Variants in PHACTR1 observed in about 807,000 individuals in gnomAD.
PHACTR1 encodes the protein RPEL repeat containing 1.
A neutral mutation model predicts 69.2 loss-of-function variants in PHACTR1; 16 were observed. That is an observed-to-expected ratio of 0.23 (90% confidence interval 0.16 to 0.35). The LOEUF is 0.35. PHACTR1 is among the 10% of genes least tolerant of loss of function. PHACTR1 has a pLI of 1.00. For synonymous variants in PHACTR1, 312 were observed against 284.5 expected, an observed-to-expected ratio of 1.10 and a Z score of -0.97; for missense variants, 510 against 734.7, an observed-to-expected ratio of 0.69 and a Z score of 3.54.
chr6:13,154,029 TATTTCAGTAAATG>T (rs1359385196), intron 5 of PHACTR1, among the ~76,000 whole-genome samples: 1 of 152,248 alleles, frequency 6.6e-6, no homozygotes, highest in Non-Finnish European at 1.5e-5. Flanking sequence ...ATTGTAAGTA[TATTTCAGTAAATG>T]ATTTCAGTAA....
chr6:12,841,880 A>G (rs1778735152), intron 4 of PHACTR1, among the ~76,000 whole-genome samples: 1 of 152,174 alleles, frequency 6.6e-6, no homozygotes, highest in Non-Finnish European at 1.5e-5. Context: ...CATTTAATTA[A>G]GCAGCTTATT....
intron 4 of PHACTR1, among the ~76,000 whole-genome samples, chr6:12,837,300 G>C (rs1778261993): frequency 6.6e-6 from 1 of 152,170 alleles, no homozygotes; most frequent in Non-Finnish European, 1.5e-5. Flanking sequence ...AATATTGCTA[G>C]AGATATAAAT....
chr6:13,154,411 A>G (rs1194720611), intron 5 of PHACTR1, among the ~76,000 whole-genome samples: 1 of 150,934 alleles, frequency 6.6e-6, no homozygotes, highest in Non-Finnish European at 1.5e-5. Context: ...GCCCACCTCA[A>G]CCTCCCAAAG....
At chr6:12,995,259 A>T (rs952638436) in intron 4 of PHACTR1, among the ~76,000 whole-genome samples, 3 of 151,840 alleles carry the variant, frequency 2.0e-5, no homozygotes, top group Admixed American at 2.0e-4. Context: ...AAAAAAACAG[A>T]AACAAAATAT....
At chr6:13,046,809 TAAA>T (rs5874398) in intron 4 of PHACTR1, among the ~76,000 whole-genome samples, 1 of 146,132 alleles carries the variant, frequency 6.8e-6, no homozygotes, top group African/African-American at 2.5e-5. Context: ...TTTTACTCTT[TAAA>T]AAAAAAAAAA....
intron 4 of PHACTR1, among the ~76,000 whole-genome samples, chr6:12,897,192 G>A (rs1264447675): frequency 6.6e-6 from 1 of 152,208 alleles, no homozygotes. Flanking sequence ...CTGTTGCATA[G>A]TGGACATGGA....
rs539794459 is a variant in PHACTR1 at position 13,105,631 on chromosome 6, TG to T, written c.415+52103del. On this transcript the variant is annotated intron_variant, in intron 5 of 14. Transcript: ENST00000332995. The stretch of plus-strand genomic sequence containing the variant: ...ACATGCCGGCCACAAGTGGTCCCCC[TG>T]CCACCCATGCTTCTGACTGACTGCC... 5.3e-5 allele frequency among the ~76,000 whole-genome samples: 8 copies of T among 152,296 alleles called. No homozygotes were observed. In the South Asian group the frequency reaches 1.7e-3, roughly 32 times the overall value.
intron 3 of PHACTR1, among the ~76,000 whole-genome samples, chr6:12,748,660 G>C (rs1358353546): frequency 1.3e-5 from 2 of 152,116 alleles, no homozygotes; most frequent in African/African-American, 4.8e-5. Flanking sequence ...GAAATGTAAA[G>C]TCCCCTTGAT....
At chr6:12,859,391 C>T (rs1458860659) in intron 4 of PHACTR1, among the ~76,000 whole-genome samples, 7 of 152,158 alleles carry the variant, frequency 4.6e-5, no homozygotes, top group African/African-American at 1.4e-4. Context: ...AGTATATGTA[C>T]ACTATGTGTA....
chr6:13,035,358 C>T (rs1386202283), intron 4 of PHACTR1, among the ~76,000 whole-genome samples: 1 of 152,088 alleles, frequency 6.6e-6, no homozygotes, highest in Non-Finnish European at 1.5e-5. Context: ...TCTCCTTATT[C>T]CCCCCTCCCA....
chr6:12,811,110 C>T (rs1449571975), intron 4 of PHACTR1, among the ~76,000 whole-genome samples: 1 of 152,182 alleles, frequency 6.6e-6, no homozygotes, highest in Admixed American at 6.5e-5. Flanking sequence ...TTTAAAGTGA[C>T]ATGGGATTTA....
chr6:12,926,258 T>G (rs1788257285), intron 4 of PHACTR1, among the ~76,000 whole-genome samples: 2 of 152,210 alleles, frequency 1.3e-5, no homozygotes, highest in African/African-American at 2.4e-5. Flanking sequence ...CTCCACCATT[T>G]GGGTTTTACA....
chr6:13,178,389 T>C (rs1217930877), intron 6 of PHACTR1, among the ~76,000 whole-genome samples: 1 of 152,186 alleles, frequency 6.6e-6, no homozygotes, highest in African/African-American at 2.4e-5. Context: ...CACTGCAGTT[T>C]CTCTTGGCTC....
intron 3 of PHACTR1, among the ~76,000 whole-genome samples, chr6:12,735,339 A>G (rs1764103434): frequency 1.3e-5 from 2 of 152,186 alleles, no homozygotes; most frequent in Admixed American, 6.5e-5. Context: ...CACTTATAGC[A>G]TATTCTTGTG....
At chr6:13,172,174 C>CAGAATCACTGATTCTGTG (rs1292914254) in intron 6 of PHACTR1, among the ~76,000 whole-genome samples, 9 of 152,204 alleles carry the variant, frequency 5.9e-5, no homozygotes, top group African/African-American at 2.2e-4. Flanking sequence ...TTCAGACTAT[C>CAGAATCACTGATTCTGTG]AGATTCCATA....
chr6:12,949,799 A>G (rs1453979986), intron 4 of PHACTR1, among the ~76,000 whole-genome samples: 1 of 152,196 alleles, frequency 6.6e-6, no homozygotes, highest in Non-Finnish European at 1.5e-5. Context: ...ATCTGGATCA[A>G]TGGTGGGATT....
At chr6:13,185,560 G>A (rs75854944) in intron 7 of PHACTR1, among the ~76,000 whole-genome samples, 43 of 152,104 alleles carry the variant, frequency 2.8e-4, no homozygotes, top group African/African-American at 9.6e-4. Context: ...GATTGCACAC[G>A]TCCTTTGCAG....
chr6:13,259,608 T>C (rs997937829), intron 10 of PHACTR1, among the ~76,000 whole-genome samples: 1 of 152,240 alleles, frequency 6.6e-6, no homozygotes, highest in Non-Finnish European at 1.5e-5. Flanking sequence ...CTAATTCTCC[T>C]TTGATCCTCC....
At chr6:13,230,238 C>G (rs1464049147) in intron 10 of PHACTR1, 45 bp downstream of exon 10, 1 of 1,578,358 alleles carries the variant, frequency 6.3e-7, no homozygotes, top group Non-Finnish European at 8.6e-7. Flanking sequence ...GGGCCTTTAG[C>G]TCTCCAGGTT....
Sources: gnomAD v4.1 joint callset for allele counts (sites outside exome capture counted in the v4.1 genomes callset) on GRCh38, gnomAD v4.1.1 for gene constraint, MANE v1.5 for transcripts, NCBI Gene and HGNC (gene_info 2026-07-23, HGNC 2026-07-21) for gene names.